The following LDLRAD3 variants were observed in gnomAD, a reference collection of about 807,000 sequenced individuals.
LDLRAD3 encodes the protein low-density lipoprotein receptor class A domain-containing protein 3.
In LDLRAD3, 20 loss-of-function variants were observed where a neutral mutation model predicts 29.4. The observed-to-expected ratio is 0.68, with a 90% CI of 0.48 to 0.99. LDLRAD3 has a LOEUF of 0.99. Among genes scored for constraint, LDLRAD3 ranks in the 50% least tolerant of loss-of-function variants. The probability of loss-of-function intolerance (pLI) is 0.00; values close to 1 mark genes in which losing one functional copy is unlikely to be tolerated. For missense variants in LDLRAD3, 420 were observed against 454.3 expected, an observed-to-expected ratio of 0.92 and a Z score of 0.69; for synonymous variants, 157 against 192.7, an observed-to-expected ratio of 0.81 and a Z score of 1.53.
At chr11:36,060,286 G>A (rs985703746) in intron 2 of LDLRAD3, among the ~76,000 whole-genome samples, 4 of 151,380 alleles carry the variant, frequency 2.6e-5, no homozygotes, top group Non-Finnish European at 5.9e-5. Context: ...CCCGGGAGGC[G>A]GAGCTTGCAG....
chr11:36,104,109 G>T (rs923706063), intron 4 of LDLRAD3, among the ~76,000 whole-genome samples: 5 of 152,156 alleles, frequency 3.3e-5, no homozygotes, highest in Non-Finnish European at 7.3e-5. Context: ...GCCTGCCCTC[G>T]CTGGCTAGCT....
intron 1 of LDLRAD3, among the ~76,000 whole-genome samples, chr11:35,958,477 G>A (rs766999168): frequency 2.0e-5 from 3 of 152,152 alleles, no homozygotes; most frequent in Non-Finnish European, 2.9e-5. Context: ...CAATCTGGCC[G>A]TAGTAGTCCC....
chr11:35,984,945 T>G (rs1346752647), intron 1 of LDLRAD3, among the ~76,000 whole-genome samples: 1 of 151,260 alleles, frequency 6.6e-6, no homozygotes, highest in Non-Finnish European at 1.5e-5. Flanking sequence ...TTTTTTTTTT[T>G]TTTTTTTTCC....
chr11:36,139,420 T>G (rs1854047934), intron 4 of LDLRAD3, among the ~76,000 whole-genome samples: 1 of 152,236 alleles, frequency 6.6e-6, no homozygotes, highest in Admixed American at 6.5e-5. Context: ...TTAAAGAGTT[T>G]GGACCACATT....
At position 36,231,625 on chromosome 11, in the gene LDLRAD3, A is replaced by AT. The variant is rs1362084453; in HGVS notation, c.*2229dup. The AT allele has an allele frequency of 5.3e-5, 8 of 152,230 alleles. No individual in the cohort carries two copies. Among genetic ancestry groups the AT allele is most frequent in the African/African-American group, 1.7e-4 (7 of 41,452 alleles). 9.4% of individuals were successfully genotyped at this position (152,230 alleles called of 1,614,324 possible). Reference sequence around the variant, plus strand: ...TAGGAAAAACAAATGGTTTTAGTAGATAAGGGATGCCTACTAATGCTTTTT... The same window carrying AT: ...TAGGAAAAACAAATGGTTTTAGTAGATTAAGGGATGCCTACTAATGCTTTTT... On this transcript the variant is annotated 3_prime_UTR_variant, in exon 6 of 6. Transcript: ENST00000315571.
At chr11:36,049,222 T>G (rs1036220963) in intron 2 of LDLRAD3, among the ~76,000 whole-genome samples, 1 of 152,148 alleles carries the variant, frequency 6.6e-6, no homozygotes, top group East Asian at 1.9e-4. Context: ...CAAAAAAAAT[T>G]TTCTCCTGGC....
intron 4 of LDLRAD3, among the ~76,000 whole-genome samples, chr11:36,187,569 G>A (rs1284664790): frequency 6.6e-6 from 1 of 152,034 alleles, no homozygotes; most frequent in Non-Finnish European, 1.5e-5. Context: ...CTTTAGTCAA[G>A]GTGGACATAC....
chr11:36,155,781 G>T lies in LDLRAD3; in HGVS notation c.454+57320G>T, dbSNP rs185160745. On this transcript the variant is annotated intron_variant, in intron 4 of 5. Transcript: ENST00000315571. ...TACCCGCCTGGCTCATAGTAGGTGC[G>T]TAGCAAGATTTTTTTCAATGGAAAC... Among the ~76,000 whole-genome samples, 8 of 152,242 alleles carry T rather than the reference G, an allele frequency of 5.3e-5. No homozygotes were observed. The South Asian group carries it at 8.3e-4, about 16-fold the overall frequency.
intron 1 of LDLRAD3, among the ~76,000 whole-genome samples, chr11:35,976,230 A>T (rs1851473962): frequency 6.6e-6 from 1 of 152,170 alleles, no homozygotes; most frequent in Non-Finnish European, 1.5e-5. Context: ...GAATGGCGTC[A>T]TGGTAGAATT....
chr11:36,117,477 T>C (rs1853691905), intron 4 of LDLRAD3, among the ~76,000 whole-genome samples: 1 of 152,224 alleles, frequency 6.6e-6, no homozygotes, highest in Admixed American at 6.5e-5. Flanking sequence ...GGTTTGGCCA[T>C]TGTCATTTTC....
At chr11:36,107,100 CTGT>C (rs1354866133) in intron 4 of LDLRAD3, among the ~76,000 whole-genome samples, 1 of 152,226 alleles carries the variant, frequency 6.6e-6, no homozygotes, top group Admixed American at 6.5e-5. Context: ...TGAATCTTTG[CTGT>C]TGTAAACCAC....
At chr11:35,951,957 C>T (rs1820230787) in intron 1 of LDLRAD3, among the ~76,000 whole-genome samples, 1 of 152,210 alleles carries the variant, frequency 6.6e-6, no homozygotes, top group Non-Finnish European at 1.5e-5. Flanking sequence ...GTTACAACAT[C>T]AAATAAAAGT....
intron 1 of LDLRAD3, among the ~76,000 whole-genome samples, chr11:36,013,213 G>A (rs902164137): frequency 6.6e-6 from 1 of 152,184 alleles, no homozygotes; most frequent in Non-Finnish European, 1.5e-5. Context: ...CTGAAATTGT[G>A]TGCTTATTAG....
At chr11:36,224,398 TA>T (rs1855470892) in intron 4 of LDLRAD3, among the ~76,000 whole-genome samples, 1 of 152,100 alleles carries the variant, frequency 6.6e-6, no homozygotes, top group Non-Finnish European at 1.5e-5. Context: ...GATAATAAAA[TA>T]AAGAAGTTAT....
At chr11:36,165,413 A>T (rs1854499365) in intron 4 of LDLRAD3, among the ~76,000 whole-genome samples, 1 of 151,936 alleles carries the variant, frequency 6.6e-6, no homozygotes. Context: ...TATATGAGGT[A>T]TGAACACCTT....
At chr11:36,144,907 C>T (rs1854155457) in intron 4 of LDLRAD3, among the ~76,000 whole-genome samples, 1 of 104,540 alleles carries the variant, frequency 9.6e-6, no homozygotes, top group Non-Finnish European at 2.1e-5. Context: ...TGAGGGGCGC[C>T]TCTACCCGGC....
chr11:36,191,617 C>A (rs1330600385), intron 4 of LDLRAD3, among the ~76,000 whole-genome samples: 1 of 78,532 alleles, frequency 1.3e-5, no homozygotes, highest in African/African-American at 4.0e-5. Context: ...CACACACACA[C>A]ACACACGCAC....
chr11:36,167,563 C>G (rs1187173384), intron 4 of LDLRAD3, among the ~76,000 whole-genome samples: 1 of 152,076 alleles, frequency 6.6e-6, no homozygotes. Context: ...ACAATTGATC[C>G]AATGGAGGTA....
intron 2 of LDLRAD3, among the ~76,000 whole-genome samples, chr11:36,046,600 G>A (rs1232391749): frequency 2.0e-5 from 3 of 152,058 alleles, no homozygotes; most frequent in South Asian, 4.2e-4. Flanking sequence ...CATTATATCA[G>A]CAAAGACCCA....
Sources: allele counts gnomAD v4.1 joint callset (sites outside exome capture counted in the v4.1 genomes callset), GRCh38; gene constraint gnomAD v4.1.1; transcripts MANE v1.5; gene names NCBI Gene and HGNC (gene_info 2026-07-23, HGNC 2026-07-21).